The following ASMTL variants were observed in gnomAD, a reference collection of about 807,000 sequenced individuals.
ASMTL encodes the protein acetylserotonin O-methyltransferase like.
ASMTL carries 57 observed loss-of-function variants against 60.3 expected under a neutral mutation model. The ratio of observed to expected loss-of-function variants is 0.95; its 90% CI spans 0.76 to 1.18. The LOEUF (loss-of-function observed/expected upper bound fraction) is 1.18. ASMTL is among the 50% of genes most tolerant of loss of function. The pLI, the probability that ASMTL is intolerant of heterozygous loss-of-function variation, is 0.00. For synonymous variants in ASMTL, 419 were observed against 373.0 expected (o/e 1.12, Z -1.42); for missense variants, 981 against 852.6 (o/e 1.15, Z -1.88).
rs181814451 is a variant in ASMTL at position 1,447,367 on chromosome X, C to G, written c.94-5050G>C. On this transcript the variant is annotated intron_variant, in intron 1 of 12. Coordinates refer to ENST00000381317, the MANE Select transcript of ASMTL (RefSeq NM_004192.4). ...CATCTTGGACACACAACATCTTGGACACACATGGCCATCTTGGAGAAGCAC... is the reference window on the plus strand; with the variant it reads ...CATCTTGGACACACAACATCTTGGAGACACATGGCCATCTTGGAGAAGCAC... 1.1e-3 allele frequency among the ~76,000 whole-genome samples: 174 copies of G among 151,784 alleles called. 1 individual carries two copies. The East Asian group carries it at 0.029, about 26-fold the overall frequency.
At chrX:1,443,516 T>G (rs1169458516) in intron 1 of ASMTL, among the ~76,000 whole-genome samples, 1 of 146,376 alleles carries the variant, frequency 6.8e-6, no homozygotes. Context: ...CACAGTGTCA[T>G]TGTGGACACA....
intron 2 of ASMTL, among the ~76,000 whole-genome samples, chrX:1,440,480 T>C (rs2091083466): frequency 6.6e-6 from 1 of 152,238 alleles, no homozygotes; most frequent in Non-Finnish European, 1.5e-5. Flanking sequence ...TCCTAAATGA[T>C]AGCATTATAT....
rs2089657267 is a variant in ASMTL, at chrX:1,403,167, G to A, written c.*102C>T. ...GCTTTTGCTTTCTTTATTCAGTCAC[G>A]ACTACACGCTCCTATGTGACTGTCC... On this transcript the variant is annotated 3_prime_UTR_variant, in exon 13 of 13. Coordinates refer to ENST00000381317, the MANE Select transcript of ASMTL (RefSeq NM_004192.4). The A allele has an allele frequency of 1.3e-5, 12 of 942,312 alleles. No homozygotes were observed. Among genetic ancestry groups the A allele is most frequent in the Middle Eastern group, 3.1e-4 (1 of 3,262 alleles). 58.4% of individuals were successfully genotyped at this position (942,312 alleles called of 1,614,324 possible). A position where few individuals can be genotyped will look rare whatever the true frequency, so the allele number is the denominator to read the frequency against.
chrX:1,428,842 C>T (rs2149317389), intron 6 of ASMTL, among the ~76,000 whole-genome samples: 1 of 147,582 alleles, frequency 6.8e-6, no homozygotes, highest in South Asian at 2.2e-4. Flanking sequence ...CTATAAACCA[C>T]AGTCACAGGC....
At position 1,425,624 on chromosome X, in the gene ASMTL, C is replaced by A. The variant is rs2090594624; in HGVS notation, c.961G>T (p.Ala321Ser). 1.9e-6 allele frequency: 3 copies of A among 1,613,824 alleles called. No individual in the cohort carries two copies. The highest frequency in any genetic ancestry group is 2.2e-5 in the East Asian group (1 of 44,890). The change falls in exon 8 of 13, where the codon GCT becomes TCT. Residue 321 changes from alanine (A) to serine (S), a missense_variant. Physicochemically the swap from Ala to Ser is moderately conservative, Grantham distance 99. Transcript: ENST00000381317. ...TCCACTTTGCTGGCAATATCCGCAG[C>A]CTTCTGGGGTGCTTCATCTTTTAAC... ...DLLKDEAPQK[A>S]ADIASKVDAS...
chrX:1,423,088 G>C (rs190733645), intron 8 of ASMTL, among the ~76,000 whole-genome samples: 8 of 152,072 alleles, frequency 5.3e-5, no homozygotes, highest in African/African-American at 1.9e-4. Context: ...GAGTAGCTGG[G>C]ACTACAGGCA....
chrX:1,416,088 C>T (rs1320287265), intron 11 of ASMTL, among the ~76,000 whole-genome samples: 2 of 151,482 alleles, frequency 1.3e-5, no homozygotes, highest in African/African-American at 2.4e-5. Context: ...GGCACACTCA[C>T]GCACGGACAC....
chrX:1,433,610 G>A (rs1469586420), intron 5 of ASMTL, among the ~76,000 whole-genome samples: 3 of 151,822 alleles, frequency 2.0e-5, no homozygotes, highest in Non-Finnish European at 2.9e-5. Flanking sequence ...AACCCGGGAG[G>A]CGGAGCTTGC....
rs776858991 is a variant in ASMTL at position 1,403,487 on chromosome X, C to T, written c.1648G>A (p.Ala550Thr). 3 of 1,612,712 alleles carry T rather than the reference C, an allele frequency of 1.9e-6. No homozygotes were observed. In the East Asian group the frequency reaches 6.7e-5, roughly 36 times the overall value. ...AGCGTCTCCACCAGCAGCAGGCCGG[C>T]CCCTGAGGGAGACAGCAGAGAGCTG... Reference protein sequence around the residue: ...SRVAESCKPGAGLLLVETLLD... With the variant: ...SRVAESCKPGTGLLLVETLLD... Residue 550 changes from alanine (A) to threonine (T), a missense_variant and splice_region_variant, in exon 13 of 13, where the codon GCC becomes ACC. Physicochemically the swap from Ala to Thr is moderately conservative, Grantham distance 58. Coordinates refer to ENST00000381317, the MANE Select transcript of ASMTL (RefSeq NM_004192.4).
In ASMTL at chrX:1,403,152, T is replaced by C. The variant is rs1336688662; in HGVS notation, c.*117A>G. 7.3e-6 allele frequency: 6 copies of C among 823,402 alleles called. No individual in the cohort carries two copies. In the East Asian group the frequency reaches 1.6e-4, roughly 22 times the overall value. The allele number at this position is 823,402 out of a possible 1,614,324, so 51.0% of individuals were successfully genotyped here. On this transcript the variant is annotated 3_prime_UTR_variant, in exon 13 of 13. Coordinates refer to ENST00000381317, the MANE Select transcript of ASMTL (RefSeq NM_004192.4). Reference sequence around the variant, plus strand: ...AGGAGGCAGAGACAGGCTTTTGCTTTCTTTATTCAGTCACGACTACACGCT... The same window carrying C: ...AGGAGGCAGAGACAGGCTTTTGCTTCCTTTATTCAGTCACGACTACACGCT...
upstream of ASMTL, chrX:1,452,928 A>G: frequency 9.1e-7 from 1 of 1,100,602 alleles, no homozygotes; most frequent in Non-Finnish European, 1.2e-6. Flanking sequence ...ACAGGCGGCC[A>G]GAGTCCCGCC....
intron 12 of ASMTL, 147 bp downstream of exon 12, chrX:1,412,585 A>T: frequency 1.9e-6 from 2 of 1,050,814 alleles, no homozygotes; most frequent in African/African-American, 1.6e-5. Context: ...CTGGTCTGAA[A>T]CTCCTGACCT....
At chrX:1,443,251 A>G (rs2091150830) in intron 1 of ASMTL, among the ~76,000 whole-genome samples, 1 of 10,626 alleles carries the variant, frequency 9.4e-5, no homozygotes, top group African/African-American at 1.0e-4. Flanking sequence ...CGTCGTGGAC[A>G]CACGCCGCCG....
chrX:1,449,420 A>G (rs1426750611), intron 1 of ASMTL, among the ~76,000 whole-genome samples: 1 of 151,298 alleles, frequency 6.6e-6, no homozygotes, highest in African/African-American at 2.4e-5. Flanking sequence ...ATGCCCTGTC[A>G]CCCCCAATCA....
At chrX:1,440,704 C>T (rs1331544198) in intron 2 of ASMTL, among the ~76,000 whole-genome samples, 1 of 152,078 alleles carries the variant, frequency 6.6e-6, no homozygotes, top group Admixed American at 6.5e-5. Flanking sequence ...GAGGCCGAGG[C>T]GGGTGGATCA....
chrX:1,415,803 G>A (rs1268510947), intron 11 of ASMTL, among the ~76,000 whole-genome samples: 1 of 152,140 alleles, frequency 6.6e-6, no homozygotes, highest in Non-Finnish European at 1.5e-5. Context: ...TGTCTGTGTG[G>A]ACCCGCAGAG....
At chrX:1,427,610 G>A in intron 7 of ASMTL, 124 bp downstream of exon 7, 2 of 1,034,750 alleles carry the variant, frequency 1.9e-6, no homozygotes, top group South Asian at 1.5e-5. Flanking sequence ...AGAAAGCATG[G>A]CCCTGAGACA....
At chrX:1,434,922 G>A in intron 5 of ASMTL, 100 bp downstream of exon 5, 1 of 1,305,734 alleles carries the variant, frequency 7.7e-7, no homozygotes, top group Non-Finnish European at 1.1e-6. Flanking sequence ...CACAGGTGGG[G>A]GTGAGCAACC....
In ASMTL at chrX:1,421,744, G is replaced by A. The variant is rs747837636; in HGVS notation, c.1159C>T (p.Leu387Phe). ...IMHNNDLTWN[L>F]FTYLEFAIRE... ...ATGGCAAACTCCAGGTATGTAAAGA[G>A]GTTCCATGTGAGGTCATTATTGTGC... The change falls in exon 9 of 13, where the codon CTC becomes TTC. Residue 387 changes from leucine (L) to phenylalanine (F), a missense_variant. Coordinates refer to ENST00000381317, the MANE Select transcript of ASMTL (RefSeq NM_004192.4). 6.2e-7 allele frequency: 1 copy of A among 1,613,926 alleles called. No individual in the cohort carries two copies. The highest frequency in any genetic ancestry group is 8.5e-7 in the Non-Finnish European group (1 of 1,179,872).
Sources: allele counts gnomAD v4.1 joint callset (sites outside exome capture counted in the v4.1 genomes callset), GRCh38; gene constraint gnomAD v4.1.1; transcripts MANE v1.5; gene names NCBI Gene and HGNC (gene_info 2026-07-23, HGNC 2026-07-21).